The following ITPKA variants were observed in gnomAD, a reference collection of about 807,000 sequenced individuals.
The protein encoded by ITPKA is inositol-trisphosphate 3-kinase A.
A neutral mutation model predicts 40.7 loss-of-function variants in ITPKA; 16 were observed. The ratio of observed to expected loss-of-function variants is 0.39; its 90% confidence interval spans 0.27 to 0.60. The LOEUF (loss-of-function observed/expected upper bound fraction) is 0.60, where lower values mean the gene tolerates loss of function less well. Among genes scored for constraint, ITPKA ranks in the 20% least tolerant of loss-of-function variants. ITPKA has a pLI of 0.50. For synonymous variants in ITPKA, 313 were observed against 289.9 expected (o/e 1.08, Z -0.81); for missense variants, 540 against 649.3 (o/e 0.83, Z 1.83).
intron 1 of ITPKA, among the ~76,000 whole-genome samples, chr15:41,497,295 G>A (rs2051079827): frequency 2.0e-5 from 3 of 152,286 alleles, no homozygotes; most frequent in South Asian, 4.1e-4. Flanking sequence ...AGGGAGGCCC[G>A]AGCCAGAGGA....
intron 5 of ITPKA, 67 bp from the exon 6 acceptor site, chr15:41,502,721 C>T (rs1471337226): frequency 7.0e-7 from 1 of 1,418,850 alleles, no homozygotes; most frequent in Non-Finnish European, 9.7e-7. Flanking sequence ...CCCGGCTCCT[C>T]ATCGTTAGCA....
intron 4 of ITPKA, 97 bp from the exon 5 acceptor site, chr15:41,502,305 C>T: frequency 7.1e-7 from 1 of 1,406,196 alleles, no homozygotes; most frequent in South Asian, 1.2e-5. Flanking sequence ...CTCCCACCGC[C>T]TCGCCGTCCC....
Position 41,501,738 on chromosome 15 carries a change from C to T in ITPKA, c.690C>T (p.Cys230=). Residue 230 remains cysteine (C), a synonymous_variant, in exon 3 of 7, where the codon TGC becomes TGT. Transcript: ENST00000260386. ...ARLMADALRG[C]VPAFHGVVER... ...TGATGGCTGACGCGCTGCGCGGCTG[C>T]GTGCCTGCCTTCCACGGCGTGGTGG... 3 of 1,612,034 alleles carry T rather than the reference C, an allele frequency of 1.9e-6. No individual in the cohort carries two copies. Among genetic ancestry groups the T allele is most frequent in the Non-Finnish European group, 2.5e-6 (3 of 1,179,576 alleles).
In ITPKA at chr15:41,502,153, A is replaced by T; in HGVS notation, c.960A>T (p.Glu320Asp). 6.2e-7 allele frequency: 1 copy of T among 1,602,612 alleles called. No homozygotes were observed. Residue 320 changes from glutamate (E) to aspartate (D), a missense_variant, in exon 4 of 7, where the codon GAA (glutamate) becomes GAT (aspartate). Physicochemically the swap from Glu to Asp is conservative, Grantham distance 45 (BLOSUM62 2). Transcript: ENST00000260386. ...VTKPRYMQWR[E>D]GISSSTTLGF... ...AGCCGCGCTACATGCAGTGGCGGGA[A>T]GGCATCAGCTCCAGCACCACCCTCG...
rs772012527 is a variant in ITPKA, at chr15:41,503,514, C to T, written c.*348C>T. 104 of 597,168 alleles carry T rather than the reference C, an allele frequency of 1.7e-4. No homozygotes were observed. The highest frequency in any genetic ancestry group is 1.4e-3 in the Middle Eastern group (5 of 3,620). The allele number at this position is 597,168 out of a possible 1,614,324, so 37.0% of individuals were successfully genotyped here. ...CCTTCCGGTCTAACGTCTCACACCA[C>T]GACGGACTCCCCTTCCTAATAAAAC... On this transcript the variant is annotated 3_prime_UTR_variant, in exon 7 of 7. Coordinates refer to ENST00000260386, the MANE Select transcript of ITPKA (RefSeq NM_002220.3).
In ITPKA at chr15:41,494,277, C is replaced by T. The variant is rs867223462; in HGVS notation, c.350C>T (p.Pro117Leu). ...GCGGGCTCTTCGCACCTGCAGCAGC[C>T]GCGCCGCCTTTCCACCTCGTCGGTC... Reference protein sequence around the residue: ...PAAGSSHLQQPRRLSTSSVSS... With the variant: ...PAAGSSHLQQLRRLSTSSVSS... Residue 117 changes from proline (P) to leucine (L), a missense_variant, in exon 1 of 7, where the codon CCG becomes CTG. By Grantham distance (98) the Pro-to-Leu change is moderately conservative (BLOSUM62 -3). Coordinates refer to ENST00000260386, the MANE Select transcript of ITPKA (RefSeq NM_002220.3). The surrounding 1 kb of genome is among the most constrained non-coding windows in gnomAD (Gnocchi z 7.8). The T allele has an allele frequency of 3.2e-6, 5 of 1,548,430 alleles. No individual in the cohort carries two copies. The highest frequency in any genetic ancestry group is 1.2e-5 in the South Asian group (1 of 83,784).
chr15:41,501,876 T>TGG, intron 3 of ITPKA, 25 bp downstream of exon 3: 1 of 1,607,772 alleles, frequency 6.2e-7, no homozygotes. Context: ...CCAGGTCGGT[T>TGG]GGGGGGATCA....
intron 1 of ITPKA, among the ~76,000 whole-genome samples, chr15:41,499,587 G>A (rs1224731444): frequency 3.3e-5 from 5 of 152,208 alleles, no homozygotes; most frequent in Admixed American, 3.3e-4. Flanking sequence ...TTTATGGTCA[G>A]CAGCCCTCTT....
intron 4 of ITPKA, 78 bp downstream of exon 4, chr15:41,502,279 C>T: frequency 1.5e-6 from 2 of 1,346,498 alleles, no homozygotes; most frequent in South Asian, 1.4e-5. Flanking sequence ...TCCCGCCCCG[C>T]CTGCCCCTCC....
At chr15:41,497,853 C>T (rs1022365984) in intron 1 of ITPKA, among the ~76,000 whole-genome samples, 1 of 151,960 alleles carries the variant, frequency 6.6e-6, no homozygotes, top group Middle Eastern at 3.4e-3. Context: ...AATCCTGTCT[C>T]TACTAAAAAT....
At position 41,502,396 on chromosome 15, in the gene ITPKA, A is replaced by AT. The variant is rs776341377; in HGVS notation, c.1009-5dup. The AT allele has an allele frequency of 8.8e-6, 14 of 1,587,674 alleles. No individual in the cohort carries two copies. In the African/African-American group the frequency reaches 1.9e-4, roughly 21 times the overall value. On this transcript the variant is annotated splice_polypyrimidine_tract_variant and splice_region_variant and intron_variant, in intron 4 of 6. Transcript: ENST00000260386. Reference sequence around the variant, plus strand: ...GGGGCCCCTGACACTCCTGTCCCACATCCAGAAAGCGGACGGCTCCTGCAG... The same window carrying AT: ...GGGGCCCCTGACACTCCTGTCCCACATTCCAGAAAGCGGACGGCTCCTGCAG...
chr15:41,501,878 G>A (rs2051114023), intron 3 of ITPKA, 27 bp downstream of exon 3: 1 of 1,607,906 alleles, frequency 6.2e-7, no homozygotes, highest in Non-Finnish European at 8.5e-7. Context: ...AGGTCGGTTG[G>A]GGGGATCAAG....
chr15:41,502,634 G>A, intron 5 of ITPKA, 131 bp downstream of exon 5: 5 of 939,510 alleles, frequency 5.3e-6, no homozygotes, highest in Admixed American at 4.8e-5. Context: ...ACTGCTCTAC[G>A]CTCCTTCCCT....
rs1336649035 is a variant in ITPKA, at chr15:41,501,390, C to G, written c.490-73C>G. ...CGGTGGGTCGGGGGCGTGGCGAGAC[C>G]CTGTTTCAGTGGAGGGAGGGCTTAT... On this transcript the variant is annotated intron_variant, in intron 1 of 6. Transcript: ENST00000260386. 1.9e-6 allele frequency: 3 copies of G among 1,541,712 alleles called. No homozygotes were observed. The African/African-American group carries it at 4.1e-5, about 21-fold the overall frequency.
rs1389258083 is a variant in ITPKA at position 41,501,687 on chromosome 15, G to A, written c.639G>A (p.Glu213=). ...TSGLILKRCS[E]PERYCLARLM... is the part of the protein sequence containing the mutation. The stretch of plus-strand genomic sequence containing the variant: ...GGCTGATCCTGAAGCGCTGCTCGGA[G>A]CCGGAGCGCTACTGCCTGGCGCGGC... Residue 213 remains glutamate, a synonymous_variant, in exon 3 of 7, where the codon GAG becomes GAA. Transcript: ENST00000260386. 2.2e-5 allele frequency: 35 copies of A among 1,609,996 alleles called. No individual in the cohort carries two copies. Among genetic ancestry groups the A allele is most frequent in the Middle Eastern group, 1.7e-4 (1 of 6,002 alleles).
rs1274585813 is a variant in ITPKA at position 41,494,933 on chromosome 15, G to T, written c.489+517G>T. 1.3e-5 allele frequency among the ~76,000 whole-genome samples: 2 copies of T among 152,204 alleles called. No individual in the cohort carries two copies. The highest frequency in any genetic ancestry group is 2.4e-5 in the African/African-American group (1 of 41,466). On this transcript the variant is annotated intron_variant, in intron 1 of 6. Coordinates refer to ENST00000260386, the MANE Select transcript of ITPKA (RefSeq NM_002220.3). The surrounding 1 kb of genome is among the most constrained non-coding windows in gnomAD (Gnocchi z 7.8). ...TGCCGTCTGCTCCCAGCGCCCGCACGAGGCGTGGACGCAGGGGAGGGAGGG... is the reference window on the plus strand; with the variant it reads ...TGCCGTCTGCTCCCAGCGCCCGCACTAGGCGTGGACGCAGGGGAGGGAGGG...
intron 1 of ITPKA, among the ~76,000 whole-genome samples, chr15:41,496,269 G>A (rs970195651): frequency 2.0e-5 from 3 of 152,256 alleles, no homozygotes; most frequent in African/African-American, 7.2e-5. Context: ...CCGGCTGACC[G>A]TGAAGGATGC....
intron 1 of ITPKA, among the ~76,000 whole-genome samples, chr15:41,500,035 A>ACTGCAACCTCCACCTCC (rs1406062928): frequency 6.6e-6 from 1 of 152,082 alleles, no homozygotes; most frequent in Non-Finnish European, 1.5e-5. Flanking sequence ...ATCACAGCTC[A>ACTGCAACCTCCACCTCC]CTGCAACCTC....
Position 41,501,855 on chromosome 15 carries a change from T to C in ITPKA, c.803+4T>C, listed in dbSNP as rs2051113524. ...TCGACTGCAAAATGGGCGTCAGGTA[T>C]GCGTGCCCTGCCAGGTCGGTTGGGG... On this transcript the variant is annotated splice_donor_region_variant and intron_variant, in intron 3 of 6. Transcript: ENST00000260386. The C allele has an allele frequency of 6.2e-7, 1 of 1,611,852 alleles. No individual in the cohort carries two copies. Among genetic ancestry groups the C allele is most frequent in the African/African-American group, 1.3e-5 (1 of 74,852 alleles).
Sources: allele counts gnomAD v4.1 joint callset (sites outside exome capture counted in the v4.1 genomes callset), GRCh38; gene constraint gnomAD v4.1.1; non-coding constraint Gnocchi (gnomAD v3.1); transcripts MANE v1.5; gene names NCBI Gene and HGNC (gene_info 2026-07-23, HGNC 2026-07-21).